The following CSMD1 variants were observed in gnomAD, a reference collection of about 807,000 sequenced individuals.
CSMD1 encodes the protein CUB and Sushi multiple domains 1, also known as CUB and sushi domain-containing protein 1.
Under a neutral mutation model 417.5 loss-of-function variants are expected in CSMD1, and 213 were observed. The observed-to-expected ratio is 0.51, with a 90% CI of 0.46 to 0.57. The LOEUF (loss-of-function observed/expected upper bound fraction) is 0.57, where lower values mean the gene tolerates loss of function less well. Ranked by LOEUF, CSMD1 falls within the 20% of genes least tolerant of loss-of-function variation. The probability of loss-of-function intolerance (pLI) is 0.00; values close to 1 mark genes in which losing one functional copy is unlikely to be tolerated. For synonymous variants in CSMD1, 2,862 were observed against 1,736.8 expected (o/e 1.65, Z -16.11); for missense variants, 6,923 against 4,529.7 (o/e 1.53, Z -15.17).
chr8:3,832,420 C>A (rs1585061339), intron 5 of CSMD1, among the ~76,000 whole-genome samples: 2 of 152,134 alleles, frequency 1.3e-5, no homozygotes, highest in East Asian at 3.9e-4. Flanking sequence ...CTATATTTCT[C>A]TGAATTGCCT....
intron 1 of CSMD1, among the ~76,000 whole-genome samples, chr8:4,866,604 T>C (rs1220984501): frequency 3.3e-5 from 5 of 151,976 alleles, no homozygotes; most frequent in African/African-American, 7.3e-5. Context: ...ACACAACTTA[T>C]AAGTAGCTGA....
chr8:4,371,559 GTAT>G (rs1293480243), intron 3 of CSMD1, among the ~76,000 whole-genome samples: 1 of 152,024 alleles, frequency 6.6e-6, no homozygotes, highest in African/African-American at 2.4e-5. Context: ...TTAAAGCAAT[GTAT>G]TATTTTTTCA....
chr8:3,091,714 A>G (rs1814961896), intron 47 of CSMD1, 52 bp from the exon 48 acceptor site: 7 of 1,534,370 alleles, frequency 4.6e-6, no homozygotes, highest in Non-Finnish European at 6.2e-6. Context: ...GCACCTACCA[A>G]ATGCATACTA....
chr8:3,679,034 C>T (rs572647496), intron 7 of CSMD1, among the ~76,000 whole-genome samples: 2 of 152,160 alleles, frequency 1.3e-5, no homozygotes, highest in Admixed American at 6.5e-5. Context: ...CCTGAAGAAG[C>T]ACTAAACATG....
chr8:4,288,223 G>T (rs1210084672), intron 3 of CSMD1, among the ~76,000 whole-genome samples: 1 of 152,100 alleles, frequency 6.6e-6, no homozygotes, highest in East Asian at 1.9e-4. Flanking sequence ...TCCACTCAGG[G>T]CCTGGCAGTG....
chr8:3,808,204 T>G (rs994636609), intron 5 of CSMD1, among the ~76,000 whole-genome samples: 1 of 152,206 alleles, frequency 6.6e-6, no homozygotes, highest in Non-Finnish European at 1.5e-5. Flanking sequence ...CAAAAACATC[T>G]GTGATCTAAA....
chr8:4,249,071 G>C (rs975373527), intron 3 of CSMD1, among the ~76,000 whole-genome samples: 1 of 152,152 alleles, frequency 6.6e-6, no homozygotes. Flanking sequence ...CTTCCTTGCT[G>C]TTAGGCACTC....
At chr8:3,802,324 A>G (rs1292953411) in intron 5 of CSMD1, among the ~76,000 whole-genome samples, 1 of 152,150 alleles carries the variant, frequency 6.6e-6, no homozygotes, top group East Asian at 1.9e-4. Flanking sequence ...TATTATAGTA[A>G]TTCCTATTAT....
chr8:4,219,119 C>T (rs1428364901), intron 3 of CSMD1, among the ~76,000 whole-genome samples: 1 of 152,154 alleles, frequency 6.6e-6, no homozygotes, highest in Non-Finnish European at 1.5e-5. Context: ...TGATCAGACC[C>T]AGCCTCCTTT....
chr8:4,408,364 C>A (rs562907651), intron 3 of CSMD1, among the ~76,000 whole-genome samples: 1 of 152,320 alleles, frequency 6.6e-6, no homozygotes, highest in East Asian at 1.9e-4. Flanking sequence ...GGCGTATCAT[C>A]CTCTACTGTC....
At chr8:4,088,657 T>A (rs1249544123) in intron 3 of CSMD1, among the ~76,000 whole-genome samples, 3 of 152,106 alleles carry the variant, frequency 2.0e-5, no homozygotes, top group Non-Finnish European at 4.4e-5. Flanking sequence ...GTCATTGTCT[T>A]CATGTTTTCA....
intron 5 of CSMD1, among the ~76,000 whole-genome samples, chr8:3,771,207 G>T (rs976484685): frequency 1.3e-5 from 2 of 152,026 alleles, no homozygotes; most frequent in Admixed American, 6.6e-5. Context: ...CTCTTTTTGG[G>T]GCCAGCTACT....
intron 4 of CSMD1, among the ~76,000 whole-genome samples, chr8:4,026,965 G>C (rs1027256663): frequency 6.6e-6 from 1 of 152,302 alleles, no homozygotes; most frequent in African/African-American, 2.4e-5. Flanking sequence ...CTACTTTGCA[G>C]TGTTTGCCAA....
At chr8:4,071,104 G>C (rs1041542713) in intron 3 of CSMD1, among the ~76,000 whole-genome samples, 29 of 152,040 alleles carry the variant, frequency 1.9e-4, no homozygotes, top group Admixed American at 1.1e-3. Flanking sequence ...AGTTTACAGA[G>C]ACTCTTGAGT....
At chr8:3,976,145 C>G (rs1441221852) in intron 5 of CSMD1, among the ~76,000 whole-genome samples, 1 of 151,522 alleles carries the variant, frequency 6.6e-6, no homozygotes, top group Non-Finnish European at 1.5e-5. Flanking sequence ...AATTCTACAC[C>G]AAGAATGCAT....
chr8:3,742,906 T>C (rs1372601199), intron 6 of CSMD1, among the ~76,000 whole-genome samples: 1 of 152,346 alleles, frequency 6.6e-6, no homozygotes, highest in Admixed American at 6.5e-5. Context: ...AGTATTTCCG[T>C]GCGAATGCGC....
intron 7 of CSMD1, among the ~76,000 whole-genome samples, chr8:3,630,853 A>G (rs558861957): frequency 4.6e-5 from 7 of 152,308 alleles, no homozygotes; most frequent in African/African-American, 1.4e-4. Context: ...CAGGCAACCA[A>G]GAGGAAACCT....
At chr8:3,496,209 C>T (rs929763530) in intron 10 of CSMD1, among the ~76,000 whole-genome samples, 1 of 152,220 alleles carries the variant, frequency 6.6e-6, no homozygotes, top group Non-Finnish European at 1.5e-5. Flanking sequence ...TAATGTTCCT[C>T]CCTCAGCTAT....
At chr8:3,668,867 G>T (rs1244098097) in intron 7 of CSMD1, among the ~76,000 whole-genome samples, 1 of 152,132 alleles carries the variant, frequency 6.6e-6, no homozygotes, top group African/African-American at 2.4e-5. Flanking sequence ...TTGCTCTGGT[G>T]GCTATCAGCC....
Sources: allele counts gnomAD v4.1 joint callset (sites outside exome capture counted in the v4.1 genomes callset), GRCh38; gene constraint gnomAD v4.1.1; transcripts MANE v1.5; gene names NCBI Gene and HGNC (gene_info 2026-07-23, HGNC 2026-07-21).